The following PPP2R1B variants were observed in gnomAD, a reference collection of about 807,000 sequenced individuals.
The protein encoded by PPP2R1B is serine/threonine-protein phosphatase 2A 65 kDa regulatory subunit A beta isoform.
A neutral mutation model predicts 72.7 loss-of-function variants in PPP2R1B; 58 were observed. The observed-to-expected ratio is 0.80, with a 90% CI of 0.65 to 0.99. PPP2R1B has a LOEUF of 0.99. Among genes scored for constraint, PPP2R1B ranks in the 50% least tolerant of loss-of-function variants. PPP2R1B has a pLI of 0.00. For synonymous variants in PPP2R1B, 256 were observed against 264.6 expected, an observed-to-expected ratio of 0.97 and a Z score of 0.32; for missense variants, 695 against 733.6, an observed-to-expected ratio of 0.95 and a Z score of 0.61.
At chr11:111,722,542 C>G, downstream of PPP2R1B, 3 of 940,538 alleles carry the variant, frequency 3.2e-6, no homozygotes, top group African/African-American at 1.6e-5. This position sits in a 1 kb window ranked among gnomAD's most constrained non-coding sequence, Gnocchi z 4.4. Flanking sequence ...ATGTCAGTCC[C>G]TTCACCCCGT....
intron 11 of PPP2R1B, among the ~76,000 whole-genome samples, chr11:111,744,273 G>A (rs933938896): frequency 2.0e-5 from 3 of 152,150 alleles, no homozygotes; most frequent in Non-Finnish European, 2.9e-5. Context: ...ACGGAGAAGC[G>A]ACGTTGACTG....
chr11:111,726,155 A>AAAAT (rs1943958661), downstream of PPP2R1B: 1 of 152,226 alleles, frequency 6.6e-6, no homozygotes, highest in Non-Finnish European at 1.5e-5. Flanking sequence ...ACGTTTTCCC[A>AAAAT]AAATATACTA....
Position 111,748,030 on chromosome 11 carries a change from A to G in PPP2R1B, c.1339-16T>C, listed in dbSNP as rs1555046804. Reference sequence around the variant, plus strand: ...ATTCCACACCCTACAGATACAGAAGATTCCATTAACATACATTGCCAAAAT... The same window carrying G: ...ATTCCACACCCTACAGATACAGAAGGTTCCATTAACATACATTGCCAAAAT... On this transcript the variant is annotated splice_polypyrimidine_tract_variant and intron_variant, in intron 10 of 14. Coordinates refer to ENST00000527614, the MANE Select transcript of PPP2R1B (RefSeq NM_002716.5). 2.5e-6 allele frequency: 4 copies of G among 1,608,698 alleles called. No individual in the cohort carries two copies. The highest frequency in any genetic ancestry group is 3.4e-6 in the Non-Finnish European group (4 of 1,177,088).
Position 111,766,332 on chromosome 11 carries a change from G to A in PPP2R1B, c.30C>T (p.Gly10=), listed in dbSNP as rs782805126. The change falls in exon 1 of 15, where the codon GGC becomes GGT. Residue 10 remains glycine, a synonymous_variant. Coordinates refer to ENST00000527614, the MANE Select transcript of PPP2R1B (RefSeq NM_002716.5). ...CTCCATCTCCACCCGCTGCTCCTGG[G>A]CCGGTCCCGAGCTCTGATGCGCCCG... is the stretch of plus-strand genomic sequence containing the variant. MAGASELGT[G]PGAAGGDGDD... is the part of the protein sequence containing the mutation. 6.5e-7 allele frequency: 1 copy of A among 1,541,978 alleles called. No individual in the cohort carries two copies. Among genetic ancestry groups the A allele is most frequent in the Non-Finnish European group, 8.7e-7 (1 of 1,146,894 alleles).
At chr11:111,754,838 A>G in intron 7 of PPP2R1B, 142 bp downstream of exon 7, 1 of 860,242 alleles carries the variant, frequency 1.2e-6, no homozygotes, top group Non-Finnish European at 1.7e-6. Context: ...TCTTTAAGTG[A>G]CAATGTAACA....
the PPP2R1B span, chr11:111,688,065 G>C: frequency 3.1e-6 from 5 of 1,614,148 alleles, no homozygotes; most frequent in Non-Finnish European, 4.2e-6. The surrounding 1 kb of genome is among the most constrained non-coding windows in gnomAD (Gnocchi z 4.2). Flanking sequence ...GGCAAATCCT[G>C]TCTGCTGTTG....
chr11:111,739,591 A>G lies in PPP2R1B; in HGVS notation c.*2005T>C, dbSNP rs906078485. On this transcript the variant is annotated 3_prime_UTR_variant, in exon 15 of 15. Coordinates refer to ENST00000527614, the MANE Select transcript of PPP2R1B (RefSeq NM_002716.5). ...TTTTAGGGTAGAGAAGTCAATGCTT[A>G]GGGCTCCTCACTGGGAGACACAAGG... 48 of 985,368 alleles carry G rather than the reference A, an allele frequency of 4.9e-5. No homozygotes were observed. Among genetic ancestry groups the G allele is most frequent in the Non-Finnish European group, 5.8e-5 (48 of 829,944 alleles). 61.0% of individuals were successfully genotyped at this position (985,368 alleles called of 1,614,324 possible). A position where few individuals can be genotyped will look rare whatever the true frequency, so the allele number is the denominator to read the frequency against.
rs1018985651 is a variant in PPP2R1B, at chr11:111,755,338, T to C, written c.800A>G (p.Lys267Arg). Residue 267 changes from lysine to arginine, a missense_variant, in exon 6 of 15, where the codon AAA (lysine) becomes AGA (arginine). Transcript: ENST00000527614. ...CACCATATAGCGAACGCGCCAAGAT[T>C]TATCTTCTGCTGCTTGTCGAAGTGT... The part of the protein sequence containing the change: ...MPTLRQAAED[K>R]SWRVRYMVAD... 67 of 1,613,318 alleles carry C rather than the reference T, an allele frequency of 4.2e-5. No individual in the cohort carries two copies. The highest frequency in any genetic ancestry group is 5.5e-5 in the Non-Finnish European group (65 of 1,179,872).
chr11:111,741,167 T>C lies in PPP2R1B; in HGVS notation c.*429A>G, dbSNP rs1808939772. 1.0e-6 allele frequency: 1 copy of C among 994,254 alleles called. No homozygotes were observed. The highest frequency in any genetic ancestry group is 1.7e-5 in the African/African-American group (1 of 57,434). 61.6% of individuals were successfully genotyped at this position (994,254 alleles called of 1,614,324 possible). On this transcript the variant is annotated 3_prime_UTR_variant, in exon 15 of 15. Transcript: ENST00000527614. The stretch of plus-strand genomic sequence containing the variant: ...TTTATAAAATAAGTTATTCTAAACA[T>C]GTACATTTAGCTTTGGAATGATGGA...
the PPP2R1B span, among the ~76,000 whole-genome samples, chr11:111,720,304 C>T: frequency 6.6e-6 from 1 of 152,204 alleles, no homozygotes; most frequent in Middle Eastern, 3.4e-3. Flanking sequence ...GGAGTGTTTT[C>T]CCCACTAAAC....
Position 111,742,884 on chromosome 11 carries a change from G to GT in PPP2R1B, c.1555-220dup, listed in dbSNP as rs138892437. 4.7e-3 allele frequency among the ~76,000 whole-genome samples: 673 copies of GT among 142,188 alleles called. 3 individuals carry two copies. The highest frequency in any genetic ancestry group is 0.022 in the East Asian group (108 of 4,952). The allele number at this position is 142,188 out of a possible 152,430, so 93.3% of individuals were successfully genotyped here. A position where few individuals can be genotyped will look rare whatever the true frequency, so the allele number is the denominator to read the frequency against. On this transcript the variant is annotated intron_variant, in intron 12 of 14. Transcript: ENST00000527614. ...TTAAAATACTGTAGTTTTGTTCTTT[G>GT]TTTTTTTTTTTTTCAGGCGGAGTTT...
chr11:111,748,609 C>G (rs1173657219), intron 10 of PPP2R1B, among the ~76,000 whole-genome samples: 1 of 152,196 alleles, frequency 6.6e-6, no homozygotes, highest in Non-Finnish European at 1.5e-5. Context: ...GTGGCCACTT[C>G]AGTGCAGGCT....
At chr11:111,703,316 G>T in the PPP2R1B span, 1 of 1,614,178 alleles carries the variant, frequency 6.2e-7, no homozygotes, top group Non-Finnish European at 8.5e-7. Context: ...CCAGAGACCT[G>T]TTCTCTATCC....
chr11:111,760,730 G>T, intron 4 of PPP2R1B, 89 bp downstream of exon 4: 1 of 1,151,700 alleles, frequency 8.7e-7, no homozygotes, highest in Non-Finnish European at 1.3e-6. Context: ...TATGTAAATT[G>T]TCAGCTACAA....
chr11:111,719,994 C>A, the PPP2R1B span: 2 of 1,613,448 alleles, frequency 1.2e-6, no homozygotes, highest in East Asian at 2.2e-5. Context: ...GGTCGTGATG[C>A]CTGGGGCAGG....
the PPP2R1B span, among the ~76,000 whole-genome samples, chr11:111,695,083 A>G: frequency 2.6e-5 from 4 of 152,164 alleles, no homozygotes; most frequent in Admixed American, 6.6e-5. Flanking sequence ...AGTTTGTGCA[A>G]TGGGTCAGCT....
At chr11:111,764,784 A>G (rs1401499435) in intron 3 of PPP2R1B, 21 bp downstream of exon 3, 1 of 1,611,038 alleles carries the variant, frequency 6.2e-7, no homozygotes, top group Non-Finnish European at 8.5e-7. Flanking sequence ...GAAGGAGGGT[A>G]GGCAGCTTAT....
At chr11:111,737,579 C>CAA (rs1277479344), downstream of PPP2R1B, 1 of 1,614,212 alleles carries the variant, frequency 6.2e-7, no homozygotes, top group Admixed American at 1.7e-5. Context: ...ACTAGAGACA[C>CAA]AGACAGTGGC....
chr11:111,718,081 A>G, the PPP2R1B span, among the ~76,000 whole-genome samples: 4 of 151,634 alleles, frequency 2.6e-5, no homozygotes, highest in Non-Finnish European at 2.9e-5. Context: ...AAAATTGAAG[A>G]AAAAAAAAGA....
Sources: allele counts gnomAD v4.1 joint callset (sites outside exome capture counted in the v4.1 genomes callset), GRCh38; gene constraint gnomAD v4.1.1; non-coding constraint Gnocchi (gnomAD v3.1); transcripts MANE v1.5; gene names NCBI Gene and HGNC (gene_info 2026-07-23, HGNC 2026-07-21).